Variants in TSHZ2 observed in about 807,000 individuals in gnomAD.
TSHZ2 encodes the protein teashirt zinc finger homeobox 2.
TSHZ2 carries 21 observed loss-of-function variants against 74.4 expected under a neutral mutation model. That is an observed-to-expected ratio of 0.28 (90% CI 0.20 to 0.41). The LOEUF (loss-of-function observed/expected upper bound fraction) is 0.41, where lower values mean the gene tolerates loss of function less well. TSHZ2 is among the 10% of genes least tolerant of loss of function. TSHZ2 has a pLI of 1.00. For synonymous variants in TSHZ2, 540 were observed against 515.3 expected (o/e 1.05, Z -0.65); for missense variants, 1,244 against 1,293.5 (o/e 0.96, Z 0.59).
At chr20:53,458,401 T>A (rs1985200315) in intron 2 of TSHZ2, among the ~76,000 whole-genome samples, 1 of 152,300 alleles carries the variant, frequency 6.6e-6, no homozygotes, top group Admixed American at 6.5e-5. Context: ...GGATCAGTGG[T>A]GATATCCCCT....
chr20:53,234,215 T>C (rs554220941), intron 1 of TSHZ2, among the ~76,000 whole-genome samples: 68 of 152,286 alleles, frequency 4.5e-4, no homozygotes, highest in Non-Finnish European at 7.5e-4. Context: ...TATGTTTTAT[T>C]GGAAAATAGA....
intron 2 of TSHZ2, among the ~76,000 whole-genome samples, chr20:53,403,366 C>T (rs935605040): frequency 6.6e-6 from 1 of 152,196 alleles, no homozygotes; most frequent in Non-Finnish European, 1.5e-5. Flanking sequence ...AACAAAAAAT[C>T]AACTCCTGAT....
At chr20:53,017,365 G>A (rs953838870) in intron 1 of TSHZ2, among the ~76,000 whole-genome samples, 2 of 152,128 alleles carry the variant, frequency 1.3e-5, no homozygotes, top group African/African-American at 2.4e-5. Context: ...CTTTCTCCCT[G>A]AGGATCTCTC....
intron 1 of TSHZ2, among the ~76,000 whole-genome samples, chr20:53,145,477 C>T (rs934290787): frequency 9.9e-5 from 15 of 151,940 alleles, no homozygotes; most frequent in African/African-American, 3.6e-4. Flanking sequence ...TCCTGGGAAA[C>T]CCTAATAGCA....
chr20:53,001,230 G>GTGTATGTGTGTGTGTGTGTGTGTGTGTA (rs1555813622), intron 1 of TSHZ2, among the ~76,000 whole-genome samples: 1 of 126,114 alleles, frequency 7.9e-6, no homozygotes, highest in African/African-American at 3.0e-5. Flanking sequence ...GTGTGTGTGT[G>GTGTATGTGTGTGTGTGTGTGTGTGTGTA]TGTGTGTGTG....
intron 1 of TSHZ2, among the ~76,000 whole-genome samples, chr20:53,134,560 C>T (rs533302488): frequency 6.6e-6 from 1 of 152,074 alleles, no homozygotes; most frequent in South Asian, 2.1e-4. Context: ...AGGATTTTGA[C>T]TTGTCTGTGT....
chr20:53,178,016 C>T (rs895659677), intron 1 of TSHZ2: 2 of 152,286 alleles, frequency 1.3e-5, no homozygotes, highest in Non-Finnish European at 2.9e-5. Context: ...CGTTAGCTGT[C>T]ACTGTCTCAT....
rs558983217 is a variant in TSHZ2, at chr20:53,208,536, A to G, written c.41-44963A>G. Reference sequence around the variant, plus strand: ...CAAACCCTCCGAGAGCACATTTCCCACCCACATCCTGCTTGACTTGATAAT... The same window carrying G: ...CAAACCCTCCGAGAGCACATTTCCCGCCCACATCCTGCTTGACTTGATAAT... On this transcript the variant is annotated intron_variant, in intron 1 of 2. Coordinates refer to ENST00000371497, the MANE Select transcript of TSHZ2 (RefSeq NM_173485.6). 3.3e-5 allele frequency: 5 copies of G among 152,274 alleles called. No individual in the cohort carries two copies. The East Asian group carries it at 9.6e-4, about 29-fold the overall frequency. 9.4% of individuals were successfully genotyped at this position (152,274 alleles called of 1,614,324 possible).
At chr20:53,248,218 G>T (rs1990248816) in intron 1 of TSHZ2, among the ~76,000 whole-genome samples, 1 of 151,764 alleles carries the variant, frequency 6.6e-6, no homozygotes, top group African/African-American at 2.4e-5. Flanking sequence ...CCATAGGCAT[G>T]CACCATTATG....
At chr20:53,299,822 C>A (rs1469312070) in intron 2 of TSHZ2, among the ~76,000 whole-genome samples, 1 of 152,176 alleles carries the variant, frequency 6.6e-6, no homozygotes, top group African/African-American at 2.4e-5. Context: ...TTCCCAGGTT[C>A]TCAGAGACAC....
At chr20:53,442,401 A>C (rs1984369574) in intron 2 of TSHZ2, among the ~76,000 whole-genome samples, 1 of 151,896 alleles carries the variant, frequency 6.6e-6, no homozygotes, top group Non-Finnish European at 1.5e-5. Flanking sequence ...TAAATAGGCC[A>C]CTCGAAGCTG....
chr20:53,160,962 G>C (rs995819048), intron 1 of TSHZ2, among the ~76,000 whole-genome samples: 2 of 151,790 alleles, frequency 1.3e-5, no homozygotes, highest in African/African-American at 4.9e-5. Context: ...AAGCAGACCA[G>C]TGATAGGCTT....
intron 2 of TSHZ2, among the ~76,000 whole-genome samples, chr20:53,287,362 T>C: frequency 6.6e-6 from 1 of 152,214 alleles, no homozygotes; most frequent in South Asian, 2.1e-4. Flanking sequence ...TCAGAACTCA[T>C]CTCCAGGGTC....
chr20:53,436,554 T>A (rs868868274), intron 2 of TSHZ2, among the ~76,000 whole-genome samples: 1,798 of 138,576 alleles, frequency 0.013, 35 homozygotes, highest in Non-Finnish European at 0.02. Flanking sequence ...TATTATTTTT[T>A]TTTTTTTTTT....
chr20:53,059,358 T>C (rs1984746571), intron 1 of TSHZ2, among the ~76,000 whole-genome samples: 1 of 152,220 alleles, frequency 6.6e-6, no homozygotes, highest in Non-Finnish European at 1.5e-5. Context: ...CATTTTACTA[T>C]GCATTTAGTT....
At chr20:53,375,192 A>G (rs1242315798) in intron 2 of TSHZ2, among the ~76,000 whole-genome samples, 2 of 152,222 alleles carry the variant, frequency 1.3e-5, no homozygotes, top group Admixed American at 6.5e-5. Context: ...AATAATAATA[A>G]AATTGATTCT....
At chr20:53,035,680 T>C (rs1983792099) in intron 1 of TSHZ2, among the ~76,000 whole-genome samples, 2 of 152,216 alleles carry the variant, frequency 1.3e-5, no homozygotes, top group East Asian at 3.8e-4. Flanking sequence ...GGGAGGTAGA[T>C]AACAGTCCCT....
At chr20:53,023,347 G>C (rs901874686) in intron 1 of TSHZ2, among the ~76,000 whole-genome samples, 1 of 152,076 alleles carries the variant, frequency 6.6e-6, no homozygotes, top group Non-Finnish European at 1.5e-5. Context: ...AAATTGCAGC[G>C]GGAAGCAGAA....
intron 1 of TSHZ2, among the ~76,000 whole-genome samples, chr20:53,072,108 G>C (rs1016112847): frequency 6.6e-6 from 1 of 152,156 alleles, no homozygotes; most frequent in African/African-American, 2.4e-5. Context: ...GGGGAACCCC[G>C]GTGGAATATT....
Sources: gnomAD v4.1 joint callset for allele counts (sites outside exome capture counted in the v4.1 genomes callset) on GRCh38, gnomAD v4.1.1 for gene constraint, MANE v1.5 for transcripts, NCBI Gene and HGNC (gene_info 2026-07-23, HGNC 2026-07-21) for gene names.